ATXN1: variants seen among roughly 807,000 people sequenced by gnomAD.
The protein encoded by ATXN1 is ataxin 1, also known as ataxin-1.
In ATXN1, 8 loss-of-function variants were observed where a neutral mutation model predicts 56.4. The observed-to-expected ratio is 0.14, with a 90% CI of 0.08 to 0.26. The LOEUF (loss-of-function observed/expected upper bound fraction) is 0.26. Ranked by LOEUF, ATXN1 falls within the 10% of genes least tolerant of loss-of-function variation. ATXN1 has a pLI of 1.00. For missense variants in ATXN1, 987 were observed against 1,106.5 expected, an observed-to-expected ratio of 0.89 and a Z score of 1.53; for synonymous variants, 514 against 494.6, an observed-to-expected ratio of 1.04 and a Z score of -0.52.
intron 3 of ATXN1, among the ~76,000 whole-genome samples, chr6:16,629,778 G>A (rs1206938808): frequency 6.6e-6 from 1 of 151,702 alleles, no homozygotes; most frequent in Non-Finnish European, 1.5e-5. Context: ...CTAGCTGGAC[G>A]TGGTGGTGTG....
intron 5 of ATXN1, among the ~76,000 whole-genome samples, chr6:16,496,083 A>G (rs1561726067): frequency 1.3e-5 from 2 of 152,206 alleles, no homozygotes; most frequent in East Asian, 3.8e-4. Context: ...GCCAACAGAT[A>G]CAACAACTCC....
At chr6:16,654,565 AAG>A (rs139344679) in intron 3 of ATXN1, among the ~76,000 whole-genome samples, 32 of 33,472 alleles carry the variant, frequency 9.6e-4, no homozygotes, top group African/African-American at 5.8e-3. Context: ...AAAAAAAAAA[AAG>A]AGAGAGAGAG....
chr6:16,463,227 C>A (rs1000083404), intron 6 of ATXN1, among the ~76,000 whole-genome samples: 3 of 152,176 alleles, frequency 2.0e-5, no homozygotes, highest in African/African-American at 4.8e-5. Context: ...TCTGTCTACC[C>A]AGCCAAGGCA....
At chr6:16,694,572 T>C (rs1403338494) in intron 2 of ATXN1, among the ~76,000 whole-genome samples, 3 of 152,212 alleles carry the variant, frequency 2.0e-5, no homozygotes, top group African/African-American at 7.2e-5. Flanking sequence ...AGCACAGTTA[T>C]TTACTTTGTT....
At chr6:16,518,099 G>A (rs952689153) in intron 5 of ATXN1, among the ~76,000 whole-genome samples, 1 of 138,430 alleles carries the variant, frequency 7.2e-6, no homozygotes, top group African/African-American at 2.9e-5. Context: ...GCAGTCGGAT[G>A]CAGAAGCCCA....
intron 6 of ATXN1, among the ~76,000 whole-genome samples, chr6:16,346,891 T>C (rs179985): frequency 0.95 from 145,004 of 152,328 alleles, 69,090 homozygotes; most frequent in East Asian, 1. Flanking sequence ...AGGAGAGGCG[T>C]GGGTGGGAAC....
chr6:16,616,861 T>G (rs1213150012), intron 3 of ATXN1, among the ~76,000 whole-genome samples: 1 of 151,400 alleles, frequency 6.6e-6, no homozygotes, highest in Admixed American at 6.6e-5. Context: ...GTCAATTTGC[T>G]GTCTGAAAAT....
intron 4 of ATXN1, among the ~76,000 whole-genome samples, chr6:16,528,622 C>T (rs1435470535): frequency 6.6e-6 from 1 of 152,188 alleles, no homozygotes. Flanking sequence ...TTTGCCACAA[C>T]CATTTGCTGA....
intron 3 of ATXN1, among the ~76,000 whole-genome samples, chr6:16,618,962 G>C (rs9464927): frequency 0.43 from 65,772 of 151,740 alleles, 16,927 homozygotes; most frequent in African/African-American, 0.74. Flanking sequence ...AACTTTCTAA[G>C]ACAAAAATAA....
chr6:16,557,373 A>C (rs942885844), intron 4 of ATXN1, among the ~76,000 whole-genome samples: 3 of 151,772 alleles, frequency 2.0e-5, no homozygotes, highest in South Asian at 2.1e-4. Context: ...AGAATGTTAA[A>C]TACTACTGAG....
chr6:16,311,080 C>G (rs1760379137), intron 7 of ATXN1, among the ~76,000 whole-genome samples: 1 of 152,158 alleles, frequency 6.6e-6, no homozygotes, highest in East Asian at 1.9e-4. Context: ...TTTCATTGTT[C>G]TGGGCTATTT....
intron 3 of ATXN1, among the ~76,000 whole-genome samples, chr6:16,626,587 C>T (rs1206328894): frequency 3.3e-5 from 5 of 152,176 alleles, no homozygotes; most frequent in Non-Finnish European, 4.4e-5. Context: ...TGAGCCACTG[C>T]GCCCAGCTGG....
chr6:16,585,769 G>GAAA lies in ATXN1; in HGVS notation c.-361+10_-361+11insTTT, dbSNP rs1446948576. On this transcript the variant is annotated intron_variant, in intron 4 of 7. Transcript: ENST00000436367. Reference sequence around the variant, plus strand: ...TAATTATTTTCCTTTAAAGCTTTTGGAGATGTTTACCTGTACCATGTGCTT... The same window carrying GAAA: ...TAATTATTTTCCTTTAAAGCTTTTGGAAAAGATGTTTACCTGTACCATGTGCTT... 3 of 152,244 alleles carry GAAA rather than the reference G, an allele frequency of 2.0e-5. No homozygotes were observed. Among genetic ancestry groups the GAAA allele is most frequent in the Admixed American group, 1.3e-4 (2 of 15,292 alleles). The allele number at this position is 152,244 out of a possible 1,614,324, so 9.4% of individuals were successfully genotyped here. A position where few individuals can be genotyped will look rare whatever the true frequency, so the allele number is the denominator to read the frequency against.
chr6:16,403,694 C>T (rs1281419161), intron 6 of ATXN1, among the ~76,000 whole-genome samples: 1 of 152,058 alleles, frequency 6.6e-6, no homozygotes, highest in Non-Finnish European at 1.5e-5. Context: ...TATTTATTAC[C>T]CTGTCCCCTC....
At chr6:16,503,356 C>T (rs1760919228) in intron 5 of ATXN1, among the ~76,000 whole-genome samples, 1 of 152,132 alleles carries the variant, frequency 6.6e-6, no homozygotes, top group Non-Finnish European at 1.5e-5. Flanking sequence ...ATGGTTTGCT[C>T]CTGGCCTCAT....
chr6:16,381,147 C>T (rs1465183016), intron 6 of ATXN1, among the ~76,000 whole-genome samples: 1 of 152,078 alleles, frequency 6.6e-6, no homozygotes, highest in African/African-American at 2.4e-5. Flanking sequence ...ATTAGCCTGG[C>T]GTGGTGGCGG....
At chr6:16,582,546 A>G (rs1230041588) in intron 4 of ATXN1, among the ~76,000 whole-genome samples, 1 of 152,172 alleles carries the variant, frequency 6.6e-6, no homozygotes, top group East Asian at 1.9e-4. Flanking sequence ...GACTTTGCGA[A>G]CTAAGATTTC....
At chr6:16,571,289 T>G (rs1478355277) in intron 4 of ATXN1, among the ~76,000 whole-genome samples, 2 of 152,100 alleles carry the variant, frequency 1.3e-5, no homozygotes, top group African/African-American at 2.4e-5. Flanking sequence ...CATTACAATT[T>G]TGAAATATGT....
At chr6:16,359,594 C>G (rs1352759719) in intron 6 of ATXN1, among the ~76,000 whole-genome samples, 2 of 151,934 alleles carry the variant, frequency 1.3e-5, no homozygotes, top group Non-Finnish European at 2.9e-5. Flanking sequence ...GAGGAGCCAC[C>G]CTTTCCAGGG....
Sources: allele counts gnomAD v4.1 joint callset (sites outside exome capture counted in the v4.1 genomes callset), GRCh38; gene constraint gnomAD v4.1.1; transcripts MANE v1.5; gene names NCBI Gene and HGNC (gene_info 2026-07-23, HGNC 2026-07-21).